Variants in HOMER1 observed in about 807,000 individuals in gnomAD.
HOMER1 encodes the protein homer scaffold protein 1, also known as homer protein homolog 1.
Under a neutral mutation model 48.9 loss-of-function variants are expected in HOMER1, and 3 were observed. The ratio of observed to expected loss-of-function variants is 0.06; its 90% CI spans 0.03 to 0.16. The LOEUF (loss-of-function observed/expected upper bound fraction) is 0.16. Among genes scored for constraint, HOMER1 ranks in the 10% least tolerant of loss-of-function variants. HOMER1 has a pLI of 1.00. For synonymous variants in HOMER1, 134 were observed against 146.4 expected, an observed-to-expected ratio of 0.92 and a Z score of 0.61; for missense variants, 247 against 411.4, an observed-to-expected ratio of 0.60 and a Z score of 3.46.
At chr5:79,431,836 C>T (rs981279550) in intron 5 of HOMER1, among the ~76,000 whole-genome samples, 2 of 152,188 alleles carry the variant, frequency 1.3e-5, no homozygotes, top group East Asian at 3.8e-4. Flanking sequence ...AGAATGACCA[C>T]TTTCAATATC....
At chr5:79,408,856 G>C (rs1023181739) in intron 5 of HOMER1, among the ~76,000 whole-genome samples, 4 of 152,094 alleles carry the variant, frequency 2.6e-5, no homozygotes, top group African/African-American at 4.8e-5. Context: ...GCCAACATGA[G>C]TGAATCACTT....
chr5:79,396,003 T>C (rs905789015), intron 8 of HOMER1, among the ~76,000 whole-genome samples: 10 of 152,170 alleles, frequency 6.6e-5, no homozygotes, highest in Non-Finnish European at 1.2e-4. Context: ...CATATACTTA[T>C]TTCTACTCCA....
intron 8 of HOMER1, among the ~76,000 whole-genome samples, chr5:79,380,234 C>G (rs937456992): frequency 5.3e-5 from 8 of 152,156 alleles, no homozygotes; most frequent in African/African-American, 1.9e-4. Flanking sequence ...GCACTGGAAA[C>G]TAACACTGCT....
chr5:79,488,736 T>C (rs1296815941), intron 1 of HOMER1, among the ~76,000 whole-genome samples: 3 of 152,194 alleles, frequency 2.0e-5, no homozygotes, highest in Non-Finnish European at 2.9e-5. Flanking sequence ...ATTCATTGAG[T>C]AGCTATTAGT....
chr5:79,510,379 C>T (rs1752907781), intron 1 of HOMER1: 1 of 561,182 alleles, frequency 1.8e-6, no homozygotes, highest in Non-Finnish European at 3.4e-6. Flanking sequence ...GTATTAAATT[C>T]ATCCTGTCTC....
At chr5:79,439,217 G>A in intron 4 of HOMER1, 68 bp from the exon 5 acceptor site, 2 of 1,490,498 alleles carry the variant, frequency 1.3e-6, no homozygotes, top group Non-Finnish European at 9.2e-7. Context: ...ATCATCTTGA[G>A]GTTAAAACTG....
intron 1 of HOMER1, among the ~76,000 whole-genome samples, chr5:79,503,505 GGTGACAGA>G (rs1313021645): frequency 7.1e-6 from 1 of 140,966 alleles, no homozygotes; most frequent in African/African-American, 2.7e-5. Flanking sequence ...CTCCAGCCTG[GGTGACAGA>G]GTGAGACTCT....
intron 1 of HOMER1, among the ~76,000 whole-genome samples, chr5:79,477,432 C>T (rs903366186): frequency 2.0e-5 from 3 of 152,144 alleles, no homozygotes; most frequent in African/African-American, 7.2e-5. Context: ...ATGGGCTGAG[C>T]TTTTGTCATT....
At chr5:79,490,211 A>G (rs765823172) in intron 1 of HOMER1, among the ~76,000 whole-genome samples, 12 of 152,264 alleles carry the variant, frequency 7.9e-5, no homozygotes, top group Non-Finnish European at 1.2e-4. Context: ...CCATGCCCTC[A>G]TGATACTTAG....
intron 1 of HOMER1, among the ~76,000 whole-genome samples, chr5:79,490,838 C>G (rs1752251643): frequency 6.7e-6 from 1 of 149,860 alleles, no homozygotes; most frequent in South Asian, 2.1e-4. Context: ...GCCTGTAGAA[C>G]CAGCTACTTG....
chr5:79,486,660 C>T (rs763264906), intron 1 of HOMER1, among the ~76,000 whole-genome samples: 1 of 152,158 alleles, frequency 6.6e-6, no homozygotes. Flanking sequence ...CACACCCCAA[C>T]CCCAGTCTAG....
Position 79,498,465 on chromosome 5 carries a change from T to C in HOMER1, c.5+14305A>G, listed in dbSNP as rs192139410. 2.4e-3 allele frequency among the ~76,000 whole-genome samples: 363 copies of C among 152,310 alleles called. 2 individuals carry two copies. The highest frequency in any genetic ancestry group is 7.9e-3 in the African/African-American group (328 of 41,572). On this transcript the variant is annotated intron_variant, in intron 1 of 8. Transcript: ENST00000334082. The stretch of plus-strand genomic sequence containing the variant: ...TACATTAGAGTATCACAGTTGCTAG[T>C]AGGAACTCAAAAAATGTTTGCTGAA...
At chr5:79,487,020 C>T (rs1752124121) in intron 1 of HOMER1, among the ~76,000 whole-genome samples, 1 of 152,178 alleles carries the variant, frequency 6.6e-6, no homozygotes, top group Admixed American at 6.5e-5. Context: ...GTGGCTCATG[C>T]CTGTAATGCC....
intron 5 of HOMER1, among the ~76,000 whole-genome samples, chr5:79,428,739 T>C (rs1480613267): frequency 2.0e-5 from 3 of 152,156 alleles, no homozygotes; most frequent in Admixed American, 2.0e-4. Context: ...AGAAAATCTA[T>C]ACTCTGAAAA....
At chr5:79,498,494 G>A (rs1752486398) in intron 1 of HOMER1, among the ~76,000 whole-genome samples, 1 of 152,214 alleles carries the variant, frequency 6.6e-6, no homozygotes, top group South Asian at 2.1e-4. Flanking sequence ...TGCTGAATAA[G>A]GGATCAGGCT....
intron 1 of HOMER1, among the ~76,000 whole-genome samples, chr5:79,503,126 C>T (rs1283748489): frequency 6.6e-6 from 1 of 152,056 alleles, no homozygotes; most frequent in Non-Finnish European, 1.5e-5. Context: ...TTACTCATAA[C>T]CTATTGTTGA....
intron 1 of HOMER1, among the ~76,000 whole-genome samples, chr5:79,505,537 T>C (rs774837251): frequency 5.3e-5 from 8 of 152,322 alleles, no homozygotes; most frequent in Non-Finnish European, 7.3e-5. Flanking sequence ...CTTACAACTT[T>C]TGTGCCTTGA....
At chr5:79,500,774 G>A (rs188005907) in intron 1 of HOMER1, among the ~76,000 whole-genome samples, 12 of 151,572 alleles carry the variant, frequency 7.9e-5, no homozygotes, top group African/African-American at 1.7e-4. Flanking sequence ...ACAGGCGTGC[G>A]CTACCACACA....
intron 1 of HOMER1, among the ~76,000 whole-genome samples, chr5:79,463,908 CA>C (rs1429110516): frequency 6.6e-6 from 1 of 151,998 alleles, no homozygotes; most frequent in East Asian, 1.9e-4. Flanking sequence ...CCAAAGCTTT[CA>C]ATTAAAAAAA....
Sources: gnomAD v4.1 joint callset for allele counts (sites outside exome capture counted in the v4.1 genomes callset) on GRCh38, gnomAD v4.1.1 for gene constraint, MANE v1.5 for transcripts, NCBI Gene and HGNC (gene_info 2026-07-23, HGNC 2026-07-21) for gene names.